Variants in CLSTN1 observed in about 807,000 individuals in gnomAD.
CLSTN1 encodes calsyntenin 1.
In CLSTN1, 28 loss-of-function variants were observed where a neutral mutation model predicts 108.3. The ratio of observed to expected loss-of-function variants is 0.26; its 90% CI spans 0.19 to 0.35. The LOEUF is 0.35. Among genes scored for constraint, CLSTN1 ranks in the 10% least tolerant of loss-of-function variants. CLSTN1 has a pLI of 1.00. For missense variants in CLSTN1, 1,157 were observed against 1,302.6 expected (o/e 0.89, Z 1.72); for synonymous variants, 524 against 534.9 (o/e 0.98, Z 0.28).
intron 1 of CLSTN1, among the ~76,000 whole-genome samples, chr1:9,821,717 A>G (rs1011179956): frequency 2.6e-5 from 4 of 152,224 alleles, no homozygotes; most frequent in Admixed American, 6.5e-5. Flanking sequence ...TTCACTTGTA[A>G]TATTTCAAAA....
chr1:9,796,132 G>A (rs1342902297), intron 1 of CLSTN1, among the ~76,000 whole-genome samples: 3 of 150,368 alleles, frequency 2.0e-5, no homozygotes, highest in Admixed American at 6.8e-5. Context: ...CGTGGTGGTG[G>A]GCGCCTGTAA....
rs544183723 is a variant in CLSTN1 at position 9,805,139 on chromosome 1, A to AAAGC, written c.91+18500_91+18503dup. On this transcript the variant is annotated intron_variant, in intron 1 of 18. Transcript: ENST00000377298. ...CTCTCAAAAAGAAAAAAAAGAAAAGAAAGCAAGGGGCAATGTAAACTATGA... is the reference window on the plus strand; with the variant it reads ...CTCTCAAAAAGAAAAAAAAGAAAAGAAAGCAAGCAAGGGGCAATGTAAACTATGA... 2.3e-3 allele frequency among the ~76,000 whole-genome samples: 347 copies of AAAGC among 152,260 alleles called. 1 individual carries two copies. The highest frequency in any genetic ancestry group is 0.01 in the Middle Eastern group (3 of 294).
chr1:9,751,695 G>A lies in CLSTN1; in HGVS notation c.441-14C>T. 1 of 1,610,332 alleles carries A rather than the reference G, an allele frequency of 6.2e-7. No homozygotes were observed. Among genetic ancestry groups the A allele is most frequent in the Non-Finnish European group, 8.5e-7 (1 of 1,176,678 alleles). On this transcript the variant is annotated splice_polypyrimidine_tract_variant and intron_variant, in intron 4 of 18. Coordinates refer to ENST00000377298, the MANE Select transcript of CLSTN1 (RefSeq NM_001009566.3). Reference sequence around the variant, plus strand: ...TGAACAGTTGCTCTGGACAAAGGGAGGGAGAAAAATATTTTTCTGCTTGTT... The same window carrying A: ...TGAACAGTTGCTCTGGACAAAGGGAAGGAGAAAAATATTTTTCTGCTTGTT...
chr1:9,822,427 C>A (rs1655222029), intron 1 of CLSTN1, among the ~76,000 whole-genome samples: 1 of 152,180 alleles, frequency 6.6e-6, no homozygotes, highest in African/African-American at 2.4e-5. Context: ...CCATACTTCT[C>A]TCCTTATGTC....
intron 1 of CLSTN1, among the ~76,000 whole-genome samples, chr1:9,808,887 A>C (rs1242524076): frequency 1.3e-5 from 2 of 151,772 alleles, no homozygotes; most frequent in African/African-American, 4.8e-5. Context: ...GCCTGAGCCA[A>C]GGCTGCTGTC....
intron 17 of CLSTN1, among the ~76,000 whole-genome samples, 173 bp from the exon 18 acceptor site, chr1:9,731,563 G>A (rs1224069052): frequency 1.3e-5 from 2 of 152,222 alleles, no homozygotes; most frequent in Non-Finnish European, 2.9e-5. Flanking sequence ...AACCTGGCTC[G>A]GCCACGTCCT....
rs1002647679 is a variant in CLSTN1, at chr1:9,730,636, C to T, written c.2818G>A (p.Glu940Lys). The T allele has an allele frequency of 3.1e-6, 5 of 1,610,420 alleles. No homozygotes were observed. The highest frequency in any genetic ancestry group is 4.2e-6 in the Non-Finnish European group (5 of 1,179,888). Residue 940 changes from glutamate to lysine, a missense_variant, in exon 19 of 19, where the codon GAA becomes AAA. Glu to Lys is a moderately conservative substitution (Grantham distance 56). Coordinates refer to ENST00000377298, the MANE Select transcript of CLSTN1 (RefSeq NM_001009566.3). The surrounding 1 kb of genome is among the most constrained non-coding windows in gnomAD (Gnocchi z 5.6). ...GCGCTGGTGATGTCATCCTCTTCTT[C>T]GCCGTCCTCGCTTTCCTCTTCCTCT... ...EEEEEESEDG[E>K]EEDDITSAES...
intron 5 of CLSTN1, among the ~76,000 whole-genome samples, chr1:9,750,715 C>CAACAAAAAA (rs1651515245): frequency 1.3e-5 from 1 of 77,168 alleles, no homozygotes; most frequent in African/African-American, 4.3e-5. Context: ...TTCCCTCAAA[C>CAACAAAAAA]AAAAAAAAAA....
chr1:9,733,162 C>G (rs1255249445), intron 16 of CLSTN1, among the ~76,000 whole-genome samples: 2 of 152,200 alleles, frequency 1.3e-5, no homozygotes, highest in African/African-American at 4.8e-5. Flanking sequence ...CAGGCTGAGG[C>G]AGCCAGGGAA....
chr1:9,747,878 C>T (rs371531046), intron 7 of CLSTN1, among the ~76,000 whole-genome samples: 60 of 151,856 alleles, frequency 4.0e-4, no homozygotes, highest in African/African-American at 1.4e-3. Flanking sequence ...CCCGTTTCTA[C>T]TAAAAATACA....
At chr1:9,758,682 A>G (rs555396469) in intron 2 of CLSTN1, among the ~76,000 whole-genome samples, 4 of 152,204 alleles carry the variant, frequency 2.6e-5, no homozygotes, top group Non-Finnish European at 4.4e-5. Context: ...AGGTAGCTAT[A>G]GTTTATTCAT....
chr1:9,751,512 T>G lies in CLSTN1; in HGVS notation c.610A>C (p.Ile204Leu). Reference protein sequence around the residue: ...PQFSQICSYEIITPDVPFTVD... With the variant: ...PQFSQICSYELITPDVPFTVD... ...GTAAAGGGCACGTCTGGAGTGATGA[T>G]TTCGTAGCTGCAAATCTGGCTGAAC... The change falls in exon 5 of 19, where the codon ATC becomes CTC. Residue 204 changes from isoleucine to leucine, a missense_variant. By Grantham distance (5) the Ile-to-Leu change is conservative. Coordinates refer to ENST00000377298, the MANE Select transcript of CLSTN1 (RefSeq NM_001009566.3). The G allele has an allele frequency of 6.2e-7, 1 of 1,614,154 alleles. No homozygotes were observed. Among genetic ancestry groups the G allele is most frequent in the Non-Finnish European group, 8.5e-7 (1 of 1,180,026 alleles).
intron 4 of CLSTN1, among the ~76,000 whole-genome samples, chr1:9,754,665 G>A (rs915323993): frequency 6.6e-6 from 1 of 152,156 alleles, no homozygotes; most frequent in African/African-American, 2.4e-5. Context: ...AGACCAGCCT[G>A]ACCAACATGG....
At chr1:9,753,863 A>G (rs1021406432) in intron 4 of CLSTN1, among the ~76,000 whole-genome samples, 2 of 151,950 alleles carry the variant, frequency 1.3e-5, no homozygotes, top group African/African-American at 4.8e-5. Context: ...CTCAGACTGG[A>G]GTACAGTGGC....
chr1:9,823,840 G>T lies in CLSTN1; in HGVS notation c.-107C>A. The T allele has an allele frequency of 2.2e-6, 1 of 457,464 alleles. No homozygotes were observed. The highest frequency in any genetic ancestry group is 2.9e-6 in the Non-Finnish European group (1 of 343,966). 28.3% of individuals were successfully genotyped at this position (457,464 alleles called of 1,614,324 possible). On this transcript the variant is annotated 5_prime_UTR_variant, in exon 1 of 19. Transcript: ENST00000377298. This position sits in a 1 kb window ranked among gnomAD's most constrained non-coding sequence, Gnocchi z 6.3. ...GGGGCTAGCTGCTCCGCGGCGCGGGGAGCTCCGGGGGTCCAAGGAGGAGCC... is the reference window on the plus strand; with the variant it reads ...GGGGCTAGCTGCTCCGCGGCGCGGGTAGCTCCGGGGGTCCAAGGAGGAGCC...
intron 2 of CLSTN1, among the ~76,000 whole-genome samples, chr1:9,757,529 C>T (rs1485382634): frequency 6.6e-6 from 1 of 152,202 alleles, no homozygotes; most frequent in East Asian, 1.9e-4. Context: ...GCGTGAGCCA[C>T]CGCACCCAGC....
intron 5 of CLSTN1, among the ~76,000 whole-genome samples, chr1:9,750,528 T>C (rs539853389): frequency 1.1e-3 from 168 of 152,080 alleles, no homozygotes; most frequent in African/African-American, 3.9e-3. Context: ...CTCTGCCTCC[T>C]GGGTTCAAGC....
intron 1 of CLSTN1, among the ~76,000 whole-genome samples, chr1:9,820,215 C>T: frequency 6.6e-6 from 1 of 152,090 alleles, no homozygotes; most frequent in Admixed American, 6.6e-5. Context: ...ATTCCCATAT[C>T]GACACTGCAG....
intron 1 of CLSTN1, among the ~76,000 whole-genome samples, chr1:9,782,726 G>A (rs1244192880): frequency 6.6e-6 from 1 of 152,238 alleles, no homozygotes. Context: ...CTAGACCCGG[G>A]CCGGGCGTGG....
Sources: gnomAD v4.1 joint callset for allele counts (sites outside exome capture counted in the v4.1 genomes callset) on GRCh38, gnomAD v4.1.1 for gene constraint, Gnocchi (gnomAD v3.1) non-coding constraint, MANE v1.5 for transcripts, NCBI Gene and HGNC (gene_info 2026-07-23, HGNC 2026-07-21) for gene names.